TMEM132D: variants seen among roughly 807,000 people sequenced by gnomAD.
TMEM132D encodes mature OL transmembrane protein.
A neutral mutation model predicts 62.3 loss-of-function variants in TMEM132D; 21 were observed. That is an observed-to-expected ratio of 0.34 (90% CI 0.24 to 0.49). The LOEUF (loss-of-function observed/expected upper bound fraction) is 0.49. Ranked by LOEUF, TMEM132D falls within the 20% of genes least tolerant of loss-of-function variation. The probability of loss-of-function intolerance (pLI) is 0.99; values close to 1 mark genes in which losing one functional copy is unlikely to be tolerated. For missense variants in TMEM132D, 1,346 were observed against 1,402.8 expected (o/e 0.96, Z 0.65); for synonymous variants, 621 against 575.6 (o/e 1.08, Z -1.13).
intron 3 of TMEM132D, among the ~76,000 whole-genome samples, chr12:129,439,855 G>A (rs184218615): frequency 6.6e-6 from 1 of 152,210 alleles, no homozygotes; most frequent in African/African-American, 2.4e-5. Flanking sequence ...TGGAAATCAG[G>A]CTTGGATGTG....
At chr12:129,146,213 T>C (rs1260865805) in intron 5 of TMEM132D, among the ~76,000 whole-genome samples, 1 of 152,012 alleles carries the variant, frequency 6.6e-6, no homozygotes, top group Non-Finnish European at 1.5e-5. Context: ...ACTAAAACTC[T>C]CTCCCCTTTC....
chr12:129,273,597 C>A (rs968815133), intron 4 of TMEM132D, among the ~76,000 whole-genome samples: 1 of 151,796 alleles, frequency 6.6e-6, no homozygotes, highest in African/African-American at 2.4e-5. Flanking sequence ...TAACAGAGAA[C>A]GAAATCATGT....
chr12:129,200,473 C>T (rs914417056), intron 5 of TMEM132D, among the ~76,000 whole-genome samples: 1 of 152,160 alleles, frequency 6.6e-6, no homozygotes, highest in Admixed American at 6.5e-5. Context: ...TCTTCAAAGG[C>T]GGCAGCAGGG....
intron 2 of TMEM132D, among the ~76,000 whole-genome samples, chr12:129,673,314 TA>T (rs1880544228): frequency 6.6e-6 from 1 of 152,226 alleles, no homozygotes; most frequent in Non-Finnish European, 1.5e-5. Context: ...GTTGACTTTT[TA>T]AAAAGTATTT....
intron 5 of TMEM132D, among the ~76,000 whole-genome samples, chr12:129,105,701 T>C (rs1019726817): frequency 3.3e-5 from 5 of 150,514 alleles, no homozygotes; most frequent in Non-Finnish European, 7.4e-5. Context: ...GAAATGCAAA[T>C]CAAAACCACA....
chr12:129,077,569 CATACACAT>C (rs1874305410), intron 8 of TMEM132D, among the ~76,000 whole-genome samples: 2 of 150,084 alleles, frequency 1.3e-5, no homozygotes, highest in African/African-American at 5.1e-5. Flanking sequence ...ACACAACACA[CATACACAT>C]ATACATGCAC....
chr12:129,174,003 T>G (rs918582090), intron 5 of TMEM132D, among the ~76,000 whole-genome samples: 1 of 152,186 alleles, frequency 6.6e-6, no homozygotes, highest in African/African-American at 2.4e-5. Context: ...AAATACGAAT[T>G]TATTTTAATA....
At chr12:129,530,929 GATAGA>G (rs1399774409) in intron 3 of TMEM132D, 125 bp downstream of exon 3, 10 of 978,216 alleles carry the variant, frequency 1.0e-5, no homozygotes, top group Non-Finnish European at 1.5e-5. Context: ...TGGAGGCCCT[GATAGA>G]ATAGACGACA....
At chr12:129,437,002 A>G (rs1243117934) in intron 3 of TMEM132D, among the ~76,000 whole-genome samples, 3 of 152,196 alleles carry the variant, frequency 2.0e-5, no homozygotes, top group Non-Finnish European at 2.9e-5. Context: ...AGACTGCTCC[A>G]TCACTAACCC....
At chr12:129,511,904 G>C (rs1484981113) in intron 3 of TMEM132D, among the ~76,000 whole-genome samples, 1 of 152,182 alleles carries the variant, frequency 6.6e-6, no homozygotes, top group Non-Finnish European at 1.5e-5. Context: ...ATAAGACTCA[G>C]AAGAAAGTTG....
chr12:129,464,302 G>T (rs527775759), intron 3 of TMEM132D, among the ~76,000 whole-genome samples: 1 of 152,094 alleles, frequency 6.6e-6, no homozygotes, highest in Admixed American at 6.6e-5. Context: ...CATATCCTTC[G>T]CCCACTTTTT....
intron 2 of TMEM132D, among the ~76,000 whole-genome samples, chr12:129,665,786 C>T (rs565473813): frequency 1.6e-4 from 25 of 152,144 alleles, no homozygotes; most frequent in Admixed American, 7.9e-4. Flanking sequence ...ACATAGTAGA[C>T]GCTTAAATAT....
At chr12:129,380,574 T>C (rs956500790) in intron 3 of TMEM132D, among the ~76,000 whole-genome samples, 3 of 152,100 alleles carry the variant, frequency 2.0e-5, no homozygotes, top group African/African-American at 7.2e-5. Flanking sequence ...TGTGTGCGTG[T>C]GTGTGTGTGC....
At chr12:129,171,310 T>TTCTA (rs771722230) in intron 5 of TMEM132D, among the ~76,000 whole-genome samples, 159 of 152,322 alleles carry the variant, frequency 1.0e-3, no homozygotes, top group Non-Finnish European at 3.8e-4. Flanking sequence ...CTACTTCTAC[T>TTCTA]TCTAGTTCTC....
At chr12:129,523,815 T>C (rs988634549) in intron 3 of TMEM132D, among the ~76,000 whole-genome samples, 1 of 152,094 alleles carries the variant, frequency 6.6e-6, no homozygotes, top group Non-Finnish European at 1.5e-5. Context: ...GGTTCATCAT[T>C]CCCCTTGACT....
At chr12:129,789,522 A>G (rs1871340911) in intron 1 of TMEM132D, among the ~76,000 whole-genome samples, 1 of 152,248 alleles carries the variant, frequency 6.6e-6, no homozygotes, top group Admixed American at 6.5e-5. Context: ...CAGTATATGC[A>G]ATATACACCG....
intron 3 of TMEM132D, among the ~76,000 whole-genome samples, chr12:129,360,634 C>A (rs1198374448): frequency 1.3e-5 from 2 of 151,454 alleles, no homozygotes; most frequent in African/African-American, 4.9e-5. Context: ...GATCTGATCA[C>A]CCACCTGGGG....
intron 3 of TMEM132D, among the ~76,000 whole-genome samples, chr12:129,502,056 G>A (rs573638667): frequency 1.0e-3 from 152 of 151,912 alleles, no homozygotes; most frequent in Non-Finnish European, 1.9e-3. Flanking sequence ...GTGGAGTGCA[G>A]TGGCACGGTC....
At chr12:129,634,130 G>A (rs1245268082) in intron 2 of TMEM132D, among the ~76,000 whole-genome samples, 1 of 151,986 alleles carries the variant, frequency 6.6e-6, no homozygotes, top group Non-Finnish European at 1.5e-5. Context: ...CCACAGCAGT[G>A]GTGTCCCCTG....
Sources: allele counts gnomAD v4.1 joint callset (sites outside exome capture counted in the v4.1 genomes callset), GRCh38; gene constraint gnomAD v4.1.1; transcripts MANE v1.5; gene names NCBI Gene and HGNC (gene_info 2026-07-23, HGNC 2026-07-21).